The following CACUL1 variants were observed in gnomAD, a reference collection of about 807,000 sequenced individuals.
CACUL1 encodes the protein CDK2-associated and cullin domain-containing protein 1.
In CACUL1, 13 loss-of-function variants were observed where a neutral mutation model predicts 45.2. That is an observed-to-expected ratio of 0.29 (90% CI 0.19 to 0.46). The LOEUF (loss-of-function observed/expected upper bound fraction) is 0.46. Among genes scored for constraint, CACUL1 ranks in the 20% least tolerant of loss-of-function variants. CACUL1 has a pLI of 1.00. For missense variants in CACUL1, 421 were observed against 471.4 expected (o/e 0.89, Z 0.99); for synonymous variants, 197 against 174.2 (o/e 1.13, Z -1.03).
At chr10:118,692,811 T>G (rs536499400) in intron 6 of CACUL1, 1 of 152,176 alleles carries the variant, frequency 6.6e-6, no homozygotes, top group Admixed American at 6.5e-5. Context: ...AGTAAAAAAG[T>G]AGAAGTTAAT....
At chr10:118,742,888 A>C (rs932368707) in intron 1 of CACUL1, among the ~76,000 whole-genome samples, 1 of 152,212 alleles carries the variant, frequency 6.6e-6, no homozygotes, top group African/African-American at 2.4e-5. Context: ...TTGGGAATAC[A>C]TGTGGGAATG....
rs1845207619 is a variant in CACUL1 at position 118,686,513 on chromosome 10, ATTC to A, written c.1069+82_1069+84del. ...ATGAGAACAACATGGGTATCATCAAATTCAATGCACTGTTATCACAGTGCATTA... is the reference window on the plus strand; with the variant it reads ...ATGAGAACAACATGGGTATCATCAAAAATGCACTGTTATCACAGTGCATTA... On this transcript the variant is annotated intron_variant, in intron 8 of 8. Coordinates refer to ENST00000369151, the MANE Select transcript of CACUL1 (RefSeq NM_153810.5). 4 of 1,061,552 alleles carry A rather than the reference ATTC, an allele frequency of 3.8e-6. No individual in the cohort carries two copies. The South Asian group carries it at 5.1e-5, about 13-fold the overall frequency. The allele number at this position is 1,061,552 out of a possible 1,614,324, so 65.8% of individuals were successfully genotyped here.
intron 3 of CACUL1, among the ~76,000 whole-genome samples, chr10:118,716,602 C>A (rs1302898235): frequency 9.2e-6 from 1 of 108,228 alleles, no homozygotes; most frequent in South Asian, 3.6e-4. Context: ...AACAACACAA[C>A]CTCTTTTTTT....
chr10:118,690,642 T>C (rs1351577593), intron 7 of CACUL1, among the ~76,000 whole-genome samples: 1 of 152,220 alleles, frequency 6.6e-6, no homozygotes, highest in Admixed American at 6.5e-5. Flanking sequence ...AAGTACATTA[T>C]AACAGATCAT....
chr10:118,713,410 T>C (rs1263062349), intron 3 of CACUL1, among the ~76,000 whole-genome samples: 1 of 152,156 alleles, frequency 6.6e-6, no homozygotes, highest in African/African-American at 2.4e-5. Context: ...AAGAGGCTCT[T>C]GCCGGCTCCA....
chr10:118,731,620 C>A (rs1378584396), intron 1 of CACUL1, among the ~76,000 whole-genome samples: 1 of 152,138 alleles, frequency 6.6e-6, no homozygotes, highest in African/African-American at 2.4e-5. Context: ...CTAAGAGTCC[C>A]ATTTACATGA....
intron 1 of CACUL1, among the ~76,000 whole-genome samples, chr10:118,745,581 G>GA (rs1845834173): frequency 1.3e-5 from 2 of 151,862 alleles, no homozygotes; most frequent in South Asian, 4.2e-4. Flanking sequence ...ATGGAGACAG[G>GA]AAAAAAGGAA....
chr10:118,682,644 C>A lies in CACUL1; in HGVS notation c.*3484G>T, dbSNP rs1845164950. The A allele has an allele frequency of 6.6e-6, 1 of 152,650 alleles. No individual in the cohort carries two copies. The highest frequency in any genetic ancestry group is 1.5e-5 in the Non-Finnish European group (1 of 68,040). 9.5% of individuals were successfully genotyped at this position (152,650 alleles called of 1,614,324 possible). ...AAAACGTTCAAATCCCTTGTTTGGT[C>A]AGTACAGAATATTGCGAGGTGATGC... On this transcript the variant is annotated 3_prime_UTR_variant, in exon 9 of 9. Transcript: ENST00000369151.
chr10:118,739,850 T>G (rs1845775322), intron 1 of CACUL1, among the ~76,000 whole-genome samples: 1 of 152,202 alleles, frequency 6.6e-6, no homozygotes, highest in Non-Finnish European at 1.5e-5. Flanking sequence ...TGAAAAGTTT[T>G]AAGAGTATGT....
At chr10:118,748,641 T>C (rs528602975) in intron 1 of CACUL1, among the ~76,000 whole-genome samples, 3 of 152,196 alleles carry the variant, frequency 2.0e-5, no homozygotes, top group Non-Finnish European at 4.4e-5. Flanking sequence ...CTGGAAAATT[T>C]TGGATTTTGA....
In CACUL1 at chr10:118,742,909, G is replaced by A. The variant is rs1048494821; in HGVS notation, c.367+11487C>T. On this transcript the variant is annotated intron_variant, in intron 1 of 8. Transcript: ENST00000369151. ...ATACATGTGGGAATGGATTGTGAGGGTGCTGAACAATGAAGAAAGAACTTT... is the reference window on the plus strand; with the variant it reads ...ATACATGTGGGAATGGATTGTGAGGATGCTGAACAATGAAGAAAGAACTTT... 8.5e-5 allele frequency among the ~76,000 whole-genome samples: 13 copies of A among 152,238 alleles called. No homozygotes were observed. In the East Asian group the frequency reaches 2.3e-3, roughly 27 times the overall value.
At chr10:118,694,635 A>G (rs937882126) in intron 6 of CACUL1, among the ~76,000 whole-genome samples, 2 of 152,226 alleles carry the variant, frequency 1.3e-5, no homozygotes, top group Non-Finnish European at 2.9e-5. Context: ...AGAGAGACAC[A>G]TTAAGAATTT....
At position 118,745,067 on chromosome 10, in the gene CACUL1, C is replaced by T. The variant is rs912212996; in HGVS notation, c.367+9329G>A. Among the ~76,000 whole-genome samples the T allele has an allele frequency of 2.0e-5, 3 of 152,052 alleles. No individual in the cohort carries two copies. The South Asian group carries it at 6.2e-4, about 32-fold the overall frequency. Reference sequence around the variant, plus strand: ...AAATGTACAACAATAGCATAAAGGACAATAGTGGATAAATGGAAGTATACT... The same window carrying T: ...AAATGTACAACAATAGCATAAAGGATAATAGTGGATAAATGGAAGTATACT... On this transcript the variant is annotated intron_variant, in intron 1 of 8. Coordinates refer to ENST00000369151, the MANE Select transcript of CACUL1 (RefSeq NM_153810.5).
Position 118,701,346 on chromosome 10 carries a change from A to G in CACUL1, c.756T>C (p.Phe252=), listed in dbSNP as rs778432895. 1 of 1,577,582 alleles carries G rather than the reference A, an allele frequency of 6.3e-7. No individual in the cohort carries two copies. The highest frequency in any genetic ancestry group is 1.7e-5 in the Admixed American group (1 of 59,526). Residue 252 remains phenylalanine, a synonymous_variant, in exon 5 of 9, where the codon TTT becomes TTC. Coordinates refer to ENST00000369151, the MANE Select transcript of CACUL1 (RefSeq NM_153810.5). ...RDLKDDLIKL[F]TEHVAEKHIY... is the part of the protein sequence containing the mutation. Reference sequence around the variant, plus strand: ...TGTGCTTTTCTGCAACATGTTCCGTAAACAGCTTTATAAGGTCATCTTTTA... The same window carrying G: ...TGTGCTTTTCTGCAACATGTTCCGTGAACAGCTTTATAAGGTCATCTTTTA...
intron 3 of CACUL1, among the ~76,000 whole-genome samples, chr10:118,713,764 C>T (rs1564833257): frequency 6.6e-6 from 1 of 152,096 alleles, no homozygotes; most frequent in Non-Finnish European, 1.5e-5. Flanking sequence ...GTTCTTTATA[C>T]ACAAATGCTA....
At chr10:118,716,480 T>G (rs12412290) in intron 3 of CACUL1, among the ~76,000 whole-genome samples, 13,926 of 152,134 alleles carry the variant, frequency 0.092, 674 homozygotes, top group Admixed American at 0.15. Context: ...CATCAGTCCC[T>G]TGTCACTGGA....
At chr10:118,696,495 T>C (rs777017782) in intron 5 of CACUL1, among the ~76,000 whole-genome samples, 2 of 152,034 alleles carry the variant, frequency 1.3e-5, no homozygotes, top group African/African-American at 4.8e-5. Context: ...TACAAAAAAA[T>C]TGGCTAGGCG....
chr10:118,716,760 G>A (rs1009769502), intron 3 of CACUL1, among the ~76,000 whole-genome samples: 2 of 151,982 alleles, frequency 1.3e-5, no homozygotes, highest in Admixed American at 6.6e-5. Context: ...CCGCCACCAC[G>A]CCTGCCTAAT....
At chr10:118,725,512 C>T (rs1006241581) in intron 3 of CACUL1, among the ~76,000 whole-genome samples, 5 of 151,924 alleles carry the variant, frequency 3.3e-5, no homozygotes, top group Non-Finnish European at 7.4e-5. Flanking sequence ...GAGAAAAGAG[C>T]CTGGTTTAAA....
Sources: gnomAD v4.1 joint callset for allele counts (sites outside exome capture counted in the v4.1 genomes callset) on GRCh38, gnomAD v4.1.1 for gene constraint, MANE v1.5 for transcripts, NCBI Gene and HGNC (gene_info 2026-07-23, HGNC 2026-07-21) for gene names.